Variants in INPP5A observed in about 807,000 individuals in gnomAD.
INPP5A encodes the protein 43 kDa inositol polyphosphate 5-phophatase.
INPP5A carries 14 observed loss-of-function variants against 65.2 expected under a neutral mutation model. The ratio of observed to expected loss-of-function variants is 0.21; its 90% CI spans 0.14 to 0.34. The LOEUF (loss-of-function observed/expected upper bound fraction) is 0.34. Ranked by LOEUF, INPP5A falls within the 10% of genes least tolerant of loss-of-function variation. The pLI is 1.00. For synonymous variants in INPP5A, 207 were observed against 208.3 expected (o/e 0.99, Z 0.05); for missense variants, 431 against 545.6 (o/e 0.79, Z 2.09).
chr10:132,767,568 G>A (rs1056170524), intron 12 of INPP5A, among the ~76,000 whole-genome samples: 7 of 152,184 alleles, frequency 4.6e-5, no homozygotes, highest in Non-Finnish European at 7.4e-5. Flanking sequence ...TATCCTGTGG[G>A]AGGTGCAGGA....
At chr10:132,648,521 C>T (rs932843352) in intron 3 of INPP5A, among the ~76,000 whole-genome samples, 1 of 152,254 alleles carries the variant, frequency 6.6e-6, no homozygotes, top group Non-Finnish European at 1.5e-5. Context: ...ACCCTTCTCT[C>T]TCTGCCTGAA....
intron 11 of INPP5A, among the ~76,000 whole-genome samples, chr10:132,761,156 C>T (rs558975343): frequency 1.3e-4 from 20 of 152,288 alleles, no homozygotes; most frequent in Middle Eastern, 3.4e-3. Context: ...ATGGCGTCTT[C>T]GGGTGCCACA....
chr10:132,623,320 A>G (rs1167720602), intron 2 of INPP5A, among the ~76,000 whole-genome samples: 1 of 152,240 alleles, frequency 6.6e-6, no homozygotes, highest in African/African-American at 2.4e-5. Flanking sequence ...GGAACAGAAA[A>G]GAGATTAAGA....
At chr10:132,717,895 T>TG (rs1475824710) in intron 8 of INPP5A, among the ~76,000 whole-genome samples, 9 of 141,248 alleles carry the variant, frequency 6.4e-5, no homozygotes, top group African/African-American at 2.6e-4. Context: ...ACGGCTGTCT[T>TG]CAGGGTTCTG....
intron 2 of INPP5A, among the ~76,000 whole-genome samples, chr10:132,631,696 C>T (rs1323396569): frequency 6.6e-6 from 1 of 152,232 alleles, no homozygotes; most frequent in Non-Finnish European, 1.5e-5. Flanking sequence ...AGGGGCCCTT[C>T]GTGCTGGGCC....
rs1438037039 is a variant in INPP5A, at chr10:132,741,632, A to G, written c.733-7885A>G. Among the ~76,000 whole-genome samples the G allele has an allele frequency of 5.3e-5, 8 of 152,216 alleles. No homozygotes were observed. The highest frequency in any genetic ancestry group is 6.5e-5 in the Admixed American group (1 of 15,272). ...CCCCGGCCCTCGTCACACCCAGAAC[A>G]GGATACCCCGGAATGAAGGTGGACG... On this transcript the variant is annotated intron_variant, in intron 9 of 15. Transcript: ENST00000368594. The surrounding 1 kb of genome is among the most constrained non-coding windows in gnomAD (Gnocchi z 4.4).
In INPP5A at chr10:132,697,823, G is replaced by A. The variant is rs1484648378; in HGVS notation, c.378G>A (p.Lys126=). 2 of 1,609,230 alleles carry A rather than the reference G, an allele frequency of 1.2e-6. No homozygotes were observed. Among genetic ancestry groups the A allele is most frequent in the Admixed American group, 1.7e-5 (1 of 59,948 alleles). ...NIYQFDFKAK[K]YRKVAGKEIY... is the part of the protein sequence containing the mutation. ...CCTTCTGGTCTCTTCCAGCTAAGAAGTATAGAAAGGTCGCTGGCAAAGAGA... is the reference window on the plus strand; with the variant it reads ...CCTTCTGGTCTCTTCCAGCTAAGAAATATAGAAAGGTCGCTGGCAAAGAGA... Residue 126 remains lysine, a synonymous_variant, in exon 6 of 16, where the codon AAG becomes AAA. Coordinates refer to ENST00000368594, the MANE Select transcript of INPP5A (RefSeq NM_005539.5). The surrounding 1 kb of genome is among the most constrained non-coding windows in gnomAD (Gnocchi z 5.6).
intron 1 of INPP5A, among the ~76,000 whole-genome samples, chr10:132,559,681 C>T (rs1178317041): frequency 1.4e-5 from 2 of 147,082 alleles, no homozygotes; most frequent in South Asian, 2.1e-4. Flanking sequence ...TTACTCAGCA[C>T]GTGTGTTCCA....
intron 4 of INPP5A, among the ~76,000 whole-genome samples, chr10:132,667,314 A>G (rs996363248): frequency 6.6e-6 from 1 of 152,220 alleles, no homozygotes; most frequent in Non-Finnish European, 1.5e-5. Context: ...AGAGAGAACA[A>G]ATCAAATCAA....
chr10:132,612,870 C>T (rs555328082), intron 2 of INPP5A, among the ~76,000 whole-genome samples: 116 of 152,162 alleles, frequency 7.6e-4, no homozygotes, highest in African/African-American at 2.7e-3. Context: ...GGGTTTTGGG[C>T]GCATCCAGGA....
intron 1 of INPP5A, among the ~76,000 whole-genome samples, chr10:132,598,047 A>G (rs769017857): frequency 2.6e-5 from 4 of 152,178 alleles, no homozygotes; most frequent in African/African-American, 4.8e-5. Context: ...TTTAATTTCA[A>G]TTGCAGTTTT....
chr10:132,725,070 C>CTCAT (rs2134577656), intron 8 of INPP5A, among the ~76,000 whole-genome samples: 1 of 151,944 alleles, frequency 6.6e-6, no homozygotes, highest in East Asian at 1.9e-4. Flanking sequence ...ATGGGGGTTA[C>CTCAT]TCTCCAGAAC....
rs1302424746 is a variant in INPP5A, at chr10:132,603,902, C to T, written c.76-4013C>T. Reference sequence around the variant, plus strand: ...TCTGCTGCATCACCTGAGTTCTGCCCTGCGCCGTCAGGGTCCCCTCTCCGT... The same window carrying T: ...TCTGCTGCATCACCTGAGTTCTGCCTTGCGCCGTCAGGGTCCCCTCTCCGT... On this transcript the variant is annotated intron_variant, in intron 1 of 15. Coordinates refer to ENST00000368594, the MANE Select transcript of INPP5A (RefSeq NM_005539.5). This position sits in a 1 kb window ranked among gnomAD's most constrained non-coding sequence, Gnocchi z 4.2. 6.6e-6 allele frequency among the ~76,000 whole-genome samples: 1 copy of T among 152,020 alleles called. No individual in the cohort carries two copies. The highest frequency in any genetic ancestry group is 1.5e-5 in the Non-Finnish European group (1 of 67,986).
rs534101958 is a variant in INPP5A at position 132,709,276 on chromosome 10, G to T, written c.527+911G>T. ...AGTGAGGGGGATGGAGGGAGGGAGG[G>T]GGGAGGAGGGGGAGGAGGAGGGGAT... On this transcript the variant is annotated intron_variant, in intron 7 of 15. Transcript: ENST00000368594. 2.4e-4 allele frequency among the ~76,000 whole-genome samples: 30 copies of T among 127,266 alleles called. No homozygotes were observed. The South Asian group carries it at 9.0e-3, about 38-fold the overall frequency. 83.5% of individuals were successfully genotyped at this position (127,266 alleles called of 152,430 possible). A position where few individuals can be genotyped will look rare whatever the true frequency, so the allele number is the denominator to read the frequency against.
At chr10:132,656,384 C>T (rs778699989) in intron 4 of INPP5A, among the ~76,000 whole-genome samples, 8 of 152,218 alleles carry the variant, frequency 5.3e-5, no homozygotes, top group Non-Finnish European at 8.8e-5. Context: ...AAGATAGCTT[C>T]GGGAGAGGGC....
rs560541155 is a variant in INPP5A, at chr10:132,555,178, G to A, written c.75+17007G>A. Among the ~76,000 whole-genome samples the A allele has an allele frequency of 5.1e-4, 78 of 151,980 alleles. No individual in the cohort carries two copies. Among genetic ancestry groups the A allele is most frequent in the African/African-American group, 1.7e-3 (71 of 41,422 alleles). The stretch of plus-strand genomic sequence containing the variant: ...ATAGATGGCATGGTGGGGTGGGGGG[G>A]TGTGGATGGCAAGCGGCAGGACCAG... On this transcript the variant is annotated intron_variant, in intron 1 of 15. Coordinates refer to ENST00000368594, the MANE Select transcript of INPP5A (RefSeq NM_005539.5). The surrounding 1 kb of genome is among the most constrained non-coding windows in gnomAD (Gnocchi z 4.4).
chr10:132,589,574 T>C (rs1038527576), intron 1 of INPP5A, among the ~76,000 whole-genome samples: 1 of 152,220 alleles, frequency 6.6e-6, no homozygotes, highest in Non-Finnish European at 1.5e-5. Context: ...TGGGAAGCCT[T>C]CTGCCTGTAG....
chr10:132,773,997 A>G (rs1437203590), intron 12 of INPP5A, among the ~76,000 whole-genome samples: 1 of 152,202 alleles, frequency 6.6e-6, no homozygotes, highest in East Asian at 1.9e-4. Flanking sequence ...CCTGGGCTCA[A>G]GTGATCCTCC....
chr10:132,760,869 C>T (rs918501959), intron 11 of INPP5A, among the ~76,000 whole-genome samples: 2 of 152,220 alleles, frequency 1.3e-5, no homozygotes, highest in African/African-American at 2.4e-5. Context: ...ACAGGCCCAC[C>T]GCCCTGCATC....
Sources: allele counts gnomAD v4.1 joint callset (sites outside exome capture counted in the v4.1 genomes callset), GRCh38; gene constraint gnomAD v4.1.1; non-coding constraint Gnocchi (gnomAD v3.1); transcripts MANE v1.5; gene names NCBI Gene and HGNC (gene_info 2026-07-23, HGNC 2026-07-21).